SGCZ: variants seen among roughly 807,000 people sequenced by gnomAD.
The protein encoded by SGCZ is zeta-sarcoglycan.
In SGCZ, 40 loss-of-function variants were observed where a neutral mutation model predicts 41.3. The ratio of observed to expected loss-of-function variants is 0.97; its 90% confidence interval spans 0.75 to 1.26. The LOEUF (loss-of-function observed/expected upper bound fraction) is 1.26, where lower values mean the gene tolerates loss of function less well. Ranked by LOEUF, SGCZ falls within the 50% of genes most tolerant of loss-of-function variation. The pLI is 0.00. For missense variants in SGCZ, 552 were observed against 369.8 expected, an observed-to-expected ratio of 1.49 and a Z score of -4.04; for synonymous variants, 206 against 137.5, an observed-to-expected ratio of 1.50 and a Z score of -3.49.
chr8:14,420,611 G>C (rs11997381), intron 2 of SGCZ, among the ~76,000 whole-genome samples: 137,308 of 152,008 alleles, frequency 0.9, 62,322 homozygotes, highest in Middle Eastern at 0.95. Flanking sequence ...GAAGTTCTGA[G>C]CTCAGAAATG....
intron 1 of SGCZ, among the ~76,000 whole-genome samples, chr8:14,969,851 C>T (rs540193690): frequency 1.3e-5 from 2 of 152,018 alleles, no homozygotes; most frequent in Admixed American, 6.6e-5. Flanking sequence ...TGCAAGTCTA[C>T]GTATGGAGAT....
intron 5 of SGCZ, among the ~76,000 whole-genome samples, chr8:14,138,962 G>T (rs1221401305): frequency 6.6e-6 from 1 of 152,148 alleles, no homozygotes; most frequent in East Asian, 1.9e-4. Flanking sequence ...CTCAGCAAAT[G>T]TAAAAGAACA....
intron 1 of SGCZ, among the ~76,000 whole-genome samples, chr8:14,986,433 C>A (rs994727397): frequency 1.3e-5 from 2 of 152,004 alleles, no homozygotes; most frequent in Non-Finnish European, 2.9e-5. Context: ...TTGACTGGTA[C>A]AATAAATAGC....
At chr8:14,380,717 T>C (rs185017681) in intron 2 of SGCZ, among the ~76,000 whole-genome samples, 7 of 152,230 alleles carry the variant, frequency 4.6e-5, no homozygotes, top group Admixed American at 3.9e-4. Context: ...CTGGGCATGG[T>C]GGTGCGTATC....
At chr8:15,132,527 A>C (rs1321554011) in intron 1 of SGCZ, among the ~76,000 whole-genome samples, 1 of 152,206 alleles carries the variant, frequency 6.6e-6, no homozygotes, top group South Asian at 2.1e-4. Flanking sequence ...ATATGAAATC[A>C]GATTTTTAAA....
At chr8:15,104,565 G>T (rs566934998) in intron 1 of SGCZ, among the ~76,000 whole-genome samples, 1 of 152,110 alleles carries the variant, frequency 6.6e-6, no homozygotes, top group Non-Finnish European at 1.5e-5. Flanking sequence ...AAATAGCCAC[G>T]CAAATTTTCC....
chr8:14,240,327 CAAAAAAAAA>C (rs59351247), intron 3 of SGCZ, among the ~76,000 whole-genome samples: 29,398 of 114,540 alleles, frequency 0.26, 3,914 homozygotes, highest in Non-Finnish European at 0.34. Context: ...AACTCTGTGT[CAAAAAAAAA>C]AAAAAAAAAA....
intron 1 of SGCZ, among the ~76,000 whole-genome samples, chr8:15,023,408 A>C (rs1362851233): frequency 3.3e-5 from 5 of 152,226 alleles, no homozygotes; most frequent in African/African-American, 1.2e-4. Flanking sequence ...CAAGATGCAA[A>C]GACTCGCGCC....
At chr8:14,236,120 G>A (rs1806750728) in intron 4 of SGCZ, among the ~76,000 whole-genome samples, 1 of 152,278 alleles carries the variant, frequency 6.6e-6, no homozygotes, top group East Asian at 1.9e-4. Context: ...GGTTAGGCCC[G>A]TTTCCATAGG....
At position 14,652,214 on chromosome 8, in the gene SGCZ, G is replaced by A. The variant is rs1005380538; in HGVS notation, c.40-97288C>T. ...AAATTAGCTGGGCGTGGTGGCGAAT[G>A]CATGTAATCCCAGCTACTCAGGAGG... On this transcript the variant is annotated intron_variant, in intron 1 of 7. Transcript: ENST00000382080. Among the ~76,000 whole-genome samples the A allele has an allele frequency of 3.3e-5, 5 of 151,478 alleles. 1 individual carries two copies. The East Asian group carries it at 9.8e-4, about 30-fold the overall frequency.
At chr8:14,341,171 T>C (rs1285521695) in intron 2 of SGCZ, among the ~76,000 whole-genome samples, 1 of 152,234 alleles carries the variant, frequency 6.6e-6, no homozygotes, top group Non-Finnish European at 1.5e-5. Context: ...TGTATTTGTT[T>C]ATCTGTCAAT....
rs1585181943 is a variant in SGCZ, at chr8:14,686,327, A to C, written c.40-131401T>G. ...AATTTGAAATATACAATATAGTAAC[A>C]AATAAAAGAAAAAAATCTGGTGCAC... On this transcript the variant is annotated intron_variant, in intron 1 of 7. Coordinates refer to ENST00000382080, the MANE Select transcript of SGCZ (RefSeq NM_139167.4). 4.6e-5 allele frequency among the ~76,000 whole-genome samples: 7 copies of C among 152,276 alleles called. 1 individual carries two copies. The South Asian group carries it at 1.4e-3, about 32-fold the overall frequency.
chr8:14,552,750 G>C (rs1415119346), intron 2 of SGCZ, among the ~76,000 whole-genome samples: 2 of 151,952 alleles, frequency 1.3e-5, no homozygotes, highest in African/African-American at 2.4e-5. Context: ...GTCAGCATGG[G>C]GCAAAGTATT....
intron 3 of SGCZ, among the ~76,000 whole-genome samples, chr8:14,282,619 G>C (rs1180560249): frequency 2.0e-5 from 3 of 152,058 alleles, no homozygotes; most frequent in African/African-American, 4.8e-5. Flanking sequence ...GCTAACATGA[G>C]AAAGGAGACC....
intron 1 of SGCZ, among the ~76,000 whole-genome samples, chr8:15,043,783 TA>T (rs1174022261): frequency 6.6e-6 from 1 of 152,140 alleles, no homozygotes; most frequent in African/African-American, 2.4e-5. Context: ...AAAAAATATT[TA>T]GAATCATTTT....
intron 4 of SGCZ, among the ~76,000 whole-genome samples, chr8:14,192,394 C>T (rs373104395): frequency 3.3e-5 from 5 of 151,916 alleles, no homozygotes; most frequent in Non-Finnish European, 5.9e-5. Context: ...TATTGCTACA[C>T]GCTTTTTATT....
chr8:14,567,808 C>T (rs1342034245), intron 1 of SGCZ, among the ~76,000 whole-genome samples: 5 of 152,110 alleles, frequency 3.3e-5, no homozygotes, highest in Non-Finnish European at 7.4e-5. Flanking sequence ...CCTCCAGACG[C>T]ACCACCTTAA....
At chr8:14,313,634 C>G (rs1282241201) in intron 3 of SGCZ, among the ~76,000 whole-genome samples, 4 of 152,144 alleles carry the variant, frequency 2.6e-5, no homozygotes, top group African/African-American at 9.7e-5. Context: ...CCATGCCTGG[C>G]TGGTCTGATA....
intron 2 of SGCZ, among the ~76,000 whole-genome samples, chr8:14,415,561 C>T (rs941430110): frequency 6.6e-6 from 1 of 151,916 alleles, no homozygotes; most frequent in Non-Finnish European, 1.5e-5. Flanking sequence ...TTCTACTAAA[C>T]AAGAACATTA....
Sources: allele counts gnomAD v4.1 joint callset (sites outside exome capture counted in the v4.1 genomes callset), GRCh38; gene constraint gnomAD v4.1.1; transcripts MANE v1.5; gene names NCBI Gene and HGNC (gene_info 2026-07-23, HGNC 2026-07-21).